Variants in LYRM4 observed in about 807,000 individuals in gnomAD.
The protein encoded by LYRM4 is LYR motif containing 4.
LYRM4 carries 9 observed loss-of-function variants against 11.7 expected under a neutral mutation model. The ratio of observed to expected loss-of-function variants is 0.77; its 90% confidence interval spans 0.46 to 1.34. The LOEUF (loss-of-function observed/expected upper bound fraction) is 1.34. Among genes scored for constraint, LYRM4 ranks in the 40% most tolerant of loss-of-function variants. The pLI, the probability that LYRM4 is intolerant of heterozygous loss-of-function variation, is 0.00. For synonymous variants in LYRM4, 42 were observed against 40.4 expected (o/e 1.04, Z -0.15); for missense variants, 133 against 112.5 (o/e 1.18, Z -0.82).
At chr6:5,203,772 C>T (rs1424371931) in intron 2 of LYRM4, among the ~76,000 whole-genome samples, 1 of 152,188 alleles carries the variant, frequency 6.6e-6, no homozygotes, top group African/African-American at 2.4e-5. Flanking sequence ...CAGGGCCCCT[C>T]GTGTTGCGTC....
At chr6:5,066,931 C>G in the LYRM4 span, 24 of 1,120,442 alleles carry the variant, frequency 2.1e-5, no homozygotes, top group East Asian at 1.8e-4. Context: ...CCAGCGCCCC[C>G]CAAGGCGGAG....
intron 2 of LYRM4, among the ~76,000 whole-genome samples, chr6:5,139,261 C>T (rs1468407924): frequency 6.6e-6 from 1 of 152,208 alleles, no homozygotes; most frequent in Admixed American, 6.5e-5. Context: ...ATTTCCACCT[C>T]GCTAACTGGA....
At chr6:5,176,311 C>G (rs1020025836) in intron 2 of LYRM4, among the ~76,000 whole-genome samples, 1 of 152,174 alleles carries the variant, frequency 6.6e-6, no homozygotes, top group African/African-American at 2.4e-5. Flanking sequence ...GATCCACCCG[C>G]CTCAGCCTCC....
intron 2 of LYRM4, among the ~76,000 whole-genome samples, chr6:5,142,952 CCT>C (rs1465091529): frequency 4.6e-5 from 7 of 152,218 alleles, no homozygotes; most frequent in African/African-American, 1.2e-4. Context: ...GGGCCGGTCC[CCT>C]GTGTTTTCAG....
chr6:5,081,140 G>GGT, the LYRM4 span, among the ~76,000 whole-genome samples: 2 of 4,250 alleles, frequency 4.7e-4, no homozygotes, highest in Non-Finnish European at 4.3e-3. Flanking sequence ...TGGGCGGGGG[G>GGT]GGGGGGGGGG....
At chr6:5,185,637 G>T (rs1053383917) in intron 2 of LYRM4, among the ~76,000 whole-genome samples, 5 of 152,170 alleles carry the variant, frequency 3.3e-5, no homozygotes, top group African/African-American at 1.2e-4. Flanking sequence ...CCATAAGGAG[G>T]CTGAGGAATA....
chr6:5,199,040 C>T (rs1219134244), intron 2 of LYRM4, among the ~76,000 whole-genome samples: 1 of 152,182 alleles, frequency 6.6e-6, no homozygotes, highest in East Asian at 1.9e-4. Flanking sequence ...TATGACCCAG[C>T]CATTCCACTT....
chr6:5,063,577 C>G, the LYRM4 span, among the ~76,000 whole-genome samples: 3 of 152,216 alleles, frequency 2.0e-5, no homozygotes, highest in East Asian at 1.9e-4. Flanking sequence ...CTCCCGATCC[C>G]TGGAACCCAG....
intron 1 of LYRM4, among the ~76,000 whole-genome samples, chr6:5,231,459 GAGAGCCCATC>G (rs1264480839): frequency 6.6e-6 from 1 of 152,100 alleles, no homozygotes; most frequent in Non-Finnish European, 1.5e-5. Context: ...TCCAGGGCAA[GAGAGCCCATC>G]AGCTAACTTT....
the LYRM4 span, chr6:5,065,887 T>C: frequency 4.2e-6 from 1 of 238,340 alleles, no homozygotes; most frequent in Admixed American, 4.2e-5. Context: ...GTCTTGAGGG[T>C]ACATGTTAGT....
chr6:5,086,748 A>G, the LYRM4 span: 1 of 603,128 alleles, frequency 1.7e-6, no homozygotes, highest in African/African-American at 1.9e-5. Flanking sequence ...GAGCGAGCTT[A>G]GAGAGCCCGG....
At chr6:5,182,077 T>G (rs912479114) in intron 2 of LYRM4, among the ~76,000 whole-genome samples, 1 of 152,200 alleles carries the variant, frequency 6.6e-6, no homozygotes, top group Admixed American at 6.5e-5. Context: ...CAAATGAACT[T>G]CGCCCATAAT....
At chr6:5,174,162 T>TC (rs1484509852) in intron 2 of LYRM4, among the ~76,000 whole-genome samples, 1 of 151,226 alleles carries the variant, frequency 6.6e-6, no homozygotes, top group African/African-American at 2.4e-5. Context: ...ACATTCTCTG[T>TC]TTTTTTTTAA....
intron 2 of LYRM4, among the ~76,000 whole-genome samples, chr6:5,149,300 A>G (rs1757958286): frequency 6.6e-6 from 1 of 152,242 alleles, no homozygotes. Flanking sequence ...AAGACCTCAC[A>G]GGAGAGGCCC....
At chr6:5,051,275 T>C in the LYRM4 span, among the ~76,000 whole-genome samples, 2 of 152,094 alleles carry the variant, frequency 1.3e-5, no homozygotes, top group African/African-American at 4.8e-5. Context: ...TAAATAGTGG[T>C]TAAAAACTTC....
chr6:5,212,475 C>T (rs1762034642), intron 2 of LYRM4, among the ~76,000 whole-genome samples: 1 of 152,154 alleles, frequency 6.6e-6, no homozygotes, highest in South Asian at 2.1e-4. Flanking sequence ...GCCTACAAAC[C>T]ACCCAGGTTT....
At chr6:5,207,380 A>G (rs1296053559) in intron 2 of LYRM4, among the ~76,000 whole-genome samples, 16 of 150,604 alleles carry the variant, frequency 1.1e-4, no homozygotes, top group Admixed American at 1.1e-3. Context: ...GCCCTCATAT[A>G]CACAGCAGGC....
chr6:5,187,965 T>C (rs972521889), intron 2 of LYRM4, among the ~76,000 whole-genome samples: 8 of 152,308 alleles, frequency 5.3e-5, no homozygotes, highest in African/African-American at 9.6e-5. Context: ...AGAATCTTTA[T>C]GTGGGAAGTG....
the LYRM4 span, among the ~76,000 whole-genome samples, chr6:5,091,912 A>G: frequency 6.6e-6 from 1 of 152,210 alleles, no homozygotes; most frequent in Non-Finnish European, 1.5e-5. Flanking sequence ...CTCCGATTGT[A>G]GTTACTCCTC....
Sources: allele counts gnomAD v4.1 joint callset (sites outside exome capture counted in the v4.1 genomes callset), GRCh38; gene constraint gnomAD v4.1.1; transcripts MANE v1.5; gene names NCBI Gene and HGNC (gene_info 2026-07-23, HGNC 2026-07-21).